Variants in ERBIN observed in about 807,000 individuals in gnomAD.
ERBIN encodes erbb2 interacting protein, also known as densin-180-like protein.
Under a neutral mutation model 158.4 loss-of-function variants are expected in ERBIN, and 60 were observed. That is an observed-to-expected ratio of 0.38 (90% confidence interval 0.31 to 0.47). ERBIN has a LOEUF of 0.47. ERBIN is among the 20% of genes least tolerant of loss of function. The pLI is 0.99. For synonymous variants in ERBIN, 594 were observed against 557.2 expected (o/e 1.07, Z -0.93); for missense variants, 1,610 against 1,648.0 (o/e 0.98, Z 0.40).
At chr5:65,968,651 C>T (rs924654346) in intron 1 of ERBIN, among the ~76,000 whole-genome samples, 1 of 152,174 alleles carries the variant, frequency 6.6e-6, no homozygotes, top group African/African-American at 2.4e-5. Flanking sequence ...ACCTCCACCT[C>T]CTGGGTTCAA....
At chr5:65,989,967 A>G (rs1465838067) in intron 2 of ERBIN, among the ~76,000 whole-genome samples, 1 of 152,238 alleles carries the variant, frequency 6.6e-6, no homozygotes, top group Non-Finnish European at 1.5e-5. Flanking sequence ...TAAAATCTAA[A>G]TTCTCTTCTG....
intron 1 of ERBIN, among the ~76,000 whole-genome samples, chr5:65,951,844 T>G (rs1746532545): frequency 6.6e-6 from 1 of 152,212 alleles, no homozygotes; most frequent in Non-Finnish European, 1.5e-5. Context: ...TTGCTGAAAT[T>G]TAATTGGAGG....
chr5:66,078,185 G>C (rs1384578922), intron 25 of ERBIN, among the ~76,000 whole-genome samples: 1 of 152,180 alleles, frequency 6.6e-6, no homozygotes, highest in East Asian at 1.9e-4. Context: ...TCTTAAGTAA[G>C]TGATTTCTAA....
In ERBIN at chr5:66,014,736, G is replaced by T; in HGVS notation, c.533+11G>T. 1 of 1,334,284 alleles carries T rather than the reference G, an allele frequency of 7.5e-7. No homozygotes were observed. Among genetic ancestry groups the T allele is most frequent in the Non-Finnish European group, 1.0e-6 (1 of 984,178 alleles). 82.7% of individuals were successfully genotyped at this position (1,334,284 alleles called of 1,614,324 possible). On this transcript the variant is annotated intron_variant, in intron 7 of 25. Transcript: ENST00000284037. ...AAAAATGTTGCCTAAGTAAGTAAAG[G>T]TGCTATTCTTTAAAAAACTTAATTT...
At chr5:65,977,463 T>G (rs1330626779) in intron 1 of ERBIN, among the ~76,000 whole-genome samples, 15 of 121,660 alleles carry the variant, frequency 1.2e-4, no homozygotes, top group South Asian at 2.7e-4. Context: ...AGGCAGAGGG[T>G]CTCCTCACTT....
intron 20 of ERBIN, among the ~76,000 whole-genome samples, chr5:66,052,058 A>G (rs950835802): frequency 6.7e-6 from 1 of 149,920 alleles, no homozygotes; most frequent in Non-Finnish European, 1.5e-5. Context: ...TTGGCCAGGT[A>G]TGTTGGCACA....
intron 7 of ERBIN, among the ~76,000 whole-genome samples, chr5:66,017,995 A>G (rs1222017710): frequency 6.6e-6 from 1 of 151,966 alleles, no homozygotes; most frequent in African/African-American, 2.4e-5. Context: ...CTTGGCTGTA[A>G]ATGCATGGAT....
chr5:65,977,298 A>G (rs1453506093), intron 1 of ERBIN, among the ~76,000 whole-genome samples: 1 of 129,140 alleles, frequency 7.7e-6, no homozygotes, highest in East Asian at 2.3e-4. Flanking sequence ...CGGGGGGCTG[A>G]CCCCCCCACC....
At chr5:65,977,361 G>A (rs1285162243) in intron 1 of ERBIN, among the ~76,000 whole-genome samples, 1 of 151,634 alleles carries the variant, frequency 6.6e-6, no homozygotes, top group African/African-American at 2.4e-5. Context: ...CTTCCCAGAC[G>A]GGGTGGCTGC....
intron 1 of ERBIN, among the ~76,000 whole-genome samples, chr5:65,986,554 A>G (rs1384948979): frequency 6.6e-6 from 1 of 152,270 alleles, no homozygotes; most frequent in African/African-American, 2.4e-5. Context: ...ATTTAGGGCA[A>G]TTCTGAAATT....
chr5:65,931,491 A>G (rs555918689), intron 1 of ERBIN, among the ~76,000 whole-genome samples: 29 of 152,378 alleles, frequency 1.9e-4, no homozygotes, highest in Non-Finnish European at 4.3e-4. Flanking sequence ...TAATAGTCCT[A>G]AGGCAGCTGT....
intron 4 of ERBIN, among the ~76,000 whole-genome samples, chr5:66,003,490 G>A (rs1753215265): frequency 6.6e-6 from 1 of 152,200 alleles, no homozygotes; most frequent in South Asian, 2.1e-4. Flanking sequence ...TATCTATAGA[G>A]AAGTTGATTA....
At chr5:65,939,661 C>CGAG (rs1162333785) in intron 1 of ERBIN, among the ~76,000 whole-genome samples, 5 of 65,598 alleles carry the variant, frequency 7.6e-5, no homozygotes, top group East Asian at 5.5e-4. Context: ...ATTCTCCTGC[C>CGAG]TCAGCCTGCC....
rs1488420236 is a variant in ERBIN, at chr5:66,046,492, C to G, written c.1742C>G (p.Ala581Gly). 2 of 1,607,006 alleles carry G rather than the reference C, an allele frequency of 1.2e-6. No individual in the cohort carries two copies. Among genetic ancestry groups the G allele is most frequent in the Admixed American group, 3.4e-5 (2 of 58,948 alleles). Reference protein sequence around the residue: ...GSLPVTANMKASENLKHIVNH... With the variant: ...GSLPVTANMKGSENLKHIVNH... ...TTACCAGTGACTGCAAATATGAAAG[C>G]CTCTGAGAACTTGAAGCATATTGTT... Residue 581 changes from alanine to glycine, a missense_variant, in exon 18 of 26, where the codon GCC (alanine) becomes GGC (glycine). Around this residue, in one of 2 missense-constraint regions of ERBIN, gnomAD observed 596 missense variants for 711.9 expected, o/e 0.84. Coordinates refer to ENST00000284037, the MANE Select transcript of ERBIN (RefSeq NM_001253697.2).
At chr5:66,067,376 T>G (rs987863191) in intron 21 of ERBIN, among the ~76,000 whole-genome samples, 1 of 152,188 alleles carries the variant, frequency 6.6e-6, no homozygotes, top group Non-Finnish European at 1.5e-5. Context: ...GTTATGATAT[T>G]TCTGTATTAA....
At chr5:66,048,927 C>G in intron 19 of ERBIN, 146 bp downstream of exon 19, 3 of 536,678 alleles carry the variant, frequency 5.6e-6, no homozygotes, top group Non-Finnish European at 9.8e-6. Flanking sequence ...GGTTCTCTTT[C>G]CTTCTCTCTC....
chr5:66,049,799 T>C (rs1052928024), intron 19 of ERBIN, among the ~76,000 whole-genome samples: 2 of 152,116 alleles, frequency 1.3e-5, no homozygotes, highest in East Asian at 1.9e-4. Flanking sequence ...AAAAAAAATT[T>C]GTAGCACTAC....
chr5:65,941,313 TAAAA>T (rs1217469941), intron 1 of ERBIN, among the ~76,000 whole-genome samples: 31 of 60,086 alleles, frequency 5.2e-4, no homozygotes, highest in East Asian at 1.6e-3. Context: ...GAATGATCAA[TAAAA>T]AAAAAAAAAA....
intron 4 of ERBIN, among the ~76,000 whole-genome samples, chr5:65,998,894 CAAA>C (rs34966696): frequency 5.6e-4 from 39 of 69,900 alleles, no homozygotes; most frequent in African/African-American, 1.4e-3. Context: ...GACCCTGTCT[CAAA>C]AAAAAAAAAA....
Sources: gnomAD v4.1 joint callset for allele counts (sites outside exome capture counted in the v4.1 genomes callset) on GRCh38, gnomAD v4.1.1 for gene constraint, gnomAD v4.1.1 regional missense constraint, MANE v1.5 for transcripts, NCBI Gene and HGNC (gene_info 2026-07-23, HGNC 2026-07-21) for gene names.